Variants in PRKD1 observed in about 807,000 individuals in gnomAD.
PRKD1 encodes the protein protein kinase D1, also known as serine/threonine-protein kinase D1.
In PRKD1, 63 loss-of-function variants were observed where a neutral mutation model predicts 95.9. The observed-to-expected ratio is 0.66, with a 90% CI of 0.54 to 0.81. The LOEUF (loss-of-function observed/expected upper bound fraction) is 0.81, where lower values mean the gene tolerates loss of function less well. PRKD1 is among the 30% of genes least tolerant of loss of function. The pLI, the probability that PRKD1 is intolerant of heterozygous loss-of-function variation, is 0.00. For synonymous variants in PRKD1, 425 were observed against 423.1 expected (o/e 1.00, Z -0.05); for missense variants, 1,048 against 1,165.3 (o/e 0.90, Z 1.47).
chr14:29,645,064 G>C (rs1361698686), intron 4 of PRKD1, among the ~76,000 whole-genome samples: 1 of 152,080 alleles, frequency 6.6e-6, no homozygotes, highest in Non-Finnish European at 1.5e-5. Flanking sequence ...TTTTGCTCCA[G>C]ATAACAATGA....
chr14:29,806,686 T>A (rs1890249549), intron 1 of PRKD1, among the ~76,000 whole-genome samples: 4 of 152,114 alleles, frequency 2.6e-5, no homozygotes, highest in Non-Finnish European at 5.9e-5. Flanking sequence ...TACTGAAAAC[T>A]TAAAGAAAAG....
At chr14:29,811,018 G>A (rs888091325) in intron 1 of PRKD1, among the ~76,000 whole-genome samples, 2 of 152,162 alleles carry the variant, frequency 1.3e-5, no homozygotes, top group African/African-American at 4.8e-5. Context: ...AGCAAATATA[G>A]GATGATGCAG....
chr14:29,761,996 T>A (rs2139490357), intron 1 of PRKD1, among the ~76,000 whole-genome samples: 1 of 152,134 alleles, frequency 6.6e-6, no homozygotes, highest in African/African-American at 2.4e-5. Context: ...GGCCTTGAAC[T>A]TTGAGGCTCA....
intron 5 of PRKD1, 34 bp from the exon 6 acceptor site, chr14:29,638,600 A>C: frequency 6.2e-7 from 1 of 1,613,236 alleles, no homozygotes; most frequent in Non-Finnish European, 8.5e-7. Flanking sequence ...AAACAAAATG[A>C]GAATTTGTCA....
intron 1 of PRKD1, among the ~76,000 whole-genome samples, chr14:29,812,379 C>T (rs1311986147): frequency 6.6e-6 from 1 of 152,170 alleles, no homozygotes; most frequent in East Asian, 1.9e-4. Context: ...CTTAAAATAA[C>T]TTGCTTGAAT....
intron 1 of PRKD1, among the ~76,000 whole-genome samples, chr14:29,802,269 TA>T (rs2139220924): frequency 6.6e-6 from 1 of 151,838 alleles, no homozygotes; most frequent in East Asian, 1.9e-4. Flanking sequence ...TGATAGTAAA[TA>T]AGGCCAGTTT....
rs1295755081 is a variant in PRKD1, at chr14:29,666,002, G to A, written c.535+75C>T. On this transcript the variant is annotated intron_variant, in intron 3 of 17. Coordinates refer to ENST00000331968, the MANE Select transcript of PRKD1 (RefSeq NM_002742.3). ...GGGCACTTAGCTTTTACGTATCTTT[G>A]CAATTGTGAATTCTGCTGCGATAAA... The A allele has an allele frequency of 2.1e-6, 3 of 1,429,352 alleles. No individual in the cohort carries two copies. The East Asian group carries it at 7.1e-5, about 34-fold the overall frequency. The allele number at this position is 1,429,352 out of a possible 1,614,324, so 88.5% of individuals were successfully genotyped here.
intron 16 of PRKD1, among the ~76,000 whole-genome samples, chr14:29,592,372 C>G (rs1287270869): frequency 6.6e-6 from 1 of 152,076 alleles, no homozygotes; most frequent in Non-Finnish European, 1.5e-5. Flanking sequence ...TGTAGGCATG[C>G]ATTTTTATAT....
At chr14:29,619,779 C>T (rs1177141493) in intron 13 of PRKD1, among the ~76,000 whole-genome samples, 1 of 152,060 alleles carries the variant, frequency 6.6e-6, no homozygotes, top group Non-Finnish European at 1.5e-5. Context: ...TCTCAGGATA[C>T]TGAATTACTA....
intron 2 of PRKD1, among the ~76,000 whole-genome samples, chr14:29,673,455 C>T (rs945751612): frequency 2.6e-5 from 4 of 152,212 alleles, no homozygotes; most frequent in Admixed American, 2.6e-4. Context: ...AGCTCAGTGT[C>T]GCCTATTCTG....
At chr14:29,835,759 C>T (rs1891588952) in intron 1 of PRKD1, among the ~76,000 whole-genome samples, 1 of 151,748 alleles carries the variant, frequency 6.6e-6, no homozygotes, top group Non-Finnish European at 1.5e-5. Context: ...TTAGTAGAGA[C>T]AGGGTTTCAC....
rs141071398 is a variant in PRKD1, at chr14:29,918,006, G to T, written c.264+9243C>A. 9.8e-4 allele frequency among the ~76,000 whole-genome samples: 149 copies of T among 151,952 alleles called. 3 individuals are homozygous for T. The highest frequency in any genetic ancestry group is 3.5e-3 in the African/African-American group (145 of 41,446). ...ACATAGGTAAACTTGTGTCATGGGG[G>T]GGCTGTACAGATTATTTTGTCACCC... On this transcript the variant is annotated intron_variant, in intron 1 of 17. Coordinates refer to ENST00000331968, the MANE Select transcript of PRKD1 (RefSeq NM_002742.3).
At chr14:29,837,652 C>T (rs1891662886) in intron 1 of PRKD1, among the ~76,000 whole-genome samples, 1 of 152,046 alleles carries the variant, frequency 6.6e-6, no homozygotes, top group African/African-American at 2.4e-5. Flanking sequence ...ATACCTAAAG[C>T]TTACATAAGT....
intron 1 of PRKD1, among the ~76,000 whole-genome samples, chr14:29,802,044 GTA>G (rs1890055800): frequency 6.6e-6 from 1 of 151,996 alleles, no homozygotes; most frequent in Admixed American, 6.6e-5. Context: ...CTGGCAAATA[GTA>G]TATGTTTCAT....
At chr14:29,586,187 A>G (rs1892919827) in intron 16 of PRKD1, among the ~76,000 whole-genome samples, 1 of 152,216 alleles carries the variant, frequency 6.6e-6, no homozygotes, top group Non-Finnish European at 1.5e-5. Context: ...ATAGATGGAC[A>G]TAAATATACA....
chr14:29,881,666 C>T (rs1229007087), intron 1 of PRKD1, among the ~76,000 whole-genome samples: 3 of 151,988 alleles, frequency 2.0e-5, no homozygotes, highest in South Asian at 4.1e-4. Flanking sequence ...TCATCAGGTT[C>T]CAGTTTGGGG....
In PRKD1 at chr14:29,599,067, G is replaced by A; in HGVS notation, c.2126C>T (p.Pro709Leu). The A allele has an allele frequency of 6.2e-7, 1 of 1,613,800 alleles. No individual in the cohort carries two copies. The highest frequency in any genetic ancestry group is 8.5e-7 in the Non-Finnish European group (1 of 1,179,762). The change falls in exon 15 of 18, where the codon CCA becomes CTA. Residue 709 changes from proline (P) to leucine (L), a missense_variant. Transcript: ENST00000331968. ...FKNIVHCDLK[P>L]ENVLLASADP... Reference sequence around the variant, plus strand: ...AGCTGAGGCTAGCAACACATTTTCTGGTTTGAGGTCACAGTGAACGATATT... The same window carrying A: ...AGCTGAGGCTAGCAACACATTTTCTAGTTTGAGGTCACAGTGAACGATATT...
Position 29,629,101 on chromosome 14 carries a change from T to G in PRKD1, c.1673-8A>C. 1 of 1,604,982 alleles carries G rather than the reference T, an allele frequency of 6.2e-7. No individual in the cohort carries two copies. The highest frequency in any genetic ancestry group is 8.5e-7 in the Non-Finnish European group (1 of 1,176,032). ...TACTCACAGAGATATCTCCTGGAAA[T>G]GCATGTAAAACAATATGCACACAAA... On this transcript the variant is annotated splice_region_variant and splice_polypyrimidine_tract_variant and intron_variant, in intron 10 of 17. Transcript: ENST00000331968.
chr14:29,729,130 A>G (rs1435389158), intron 1 of PRKD1, among the ~76,000 whole-genome samples: 2 of 152,094 alleles, frequency 1.3e-5, no homozygotes, highest in Non-Finnish European at 2.9e-5. Context: ...TACAAATCGC[A>G]TTGTTTAAAA....
Sources: gnomAD v4.1 joint callset for allele counts (sites outside exome capture counted in the v4.1 genomes callset) on GRCh38, gnomAD v4.1.1 for gene constraint, MANE v1.5 for transcripts, NCBI Gene and HGNC (gene_info 2026-07-23, HGNC 2026-07-21) for gene names.